SSX7: variants seen among roughly 807,000 people sequenced by gnomAD.
The protein encoded by SSX7 is SSX family member 7.
In SSX7, 15 loss-of-function variants were observed where a neutral mutation model predicts 14.7. That is an observed-to-expected ratio of 1.02 (90% CI 0.68 to 1.58). SSX7 has a LOEUF of 1.58. SSX7 is among the 40% of genes most tolerant of loss of function. SSX7 has a pLI of 0.00. For missense variants in SSX7, 178 were observed against 146.8 expected (o/e 1.21, Z -1.10); for synonymous variants, 46 against 50.6 (o/e 0.91, Z 0.38).
intron 6 of SSX7, among the ~76,000 whole-genome samples, chrX:52,647,837 C>T (rs1556766512): frequency 1.8e-5 from 2 of 111,692 alleles, no homozygotes; most frequent in African/African-American, 6.5e-5. Context: ...GGTCTGGAAC[C>T]GAATCTGCAA....
intron 6 of SSX7, among the ~76,000 whole-genome samples, chrX:52,646,212 T>C (rs1271717674): frequency 1.8e-5 from 2 of 111,366 alleles, no homozygotes; most frequent in Non-Finnish European, 3.8e-5. Context: ...TACAGGAGCA[T>C]GTCACCACGC....
At chrX:52,644,697 A>G in intron 7 of SSX7, 27 bp from the exon 8 acceptor site, 2 of 1,193,378 alleles carry the variant, frequency 1.7e-6, no homozygotes, top group South Asian at 3.5e-5. Context: ...GAAGGAAAGT[A>G]AGTGGCAGTG....
intron 6 of SSX7, among the ~76,000 whole-genome samples, chrX:52,646,984 T>C (rs1925271308): frequency 8.9e-6 from 1 of 112,019 alleles, no homozygotes; most frequent in African/African-American, 3.2e-5. Context: ...TTGAAGGAAA[T>C]AATAATATTA....
chrX:52,646,151 C>T (rs1172895822), intron 6 of SSX7, among the ~76,000 whole-genome samples: 19 of 111,860 alleles, frequency 1.7e-4, no homozygotes, highest in African/African-American at 5.8e-4. Flanking sequence ...GCAACCTCTG[C>T]CTCTCCAGTT....
chrX:52,649,863 T>A (rs1242202992), intron 5 of SSX7, among the ~76,000 whole-genome samples: 6 of 112,386 alleles, frequency 5.3e-5, no homozygotes, highest in Non-Finnish European at 1.1e-4. Flanking sequence ...TGGATTAGAC[T>A]ACCACTGCCA....
chrX:52,652,400 G>T (rs1300499790), intron 3 of SSX7, 53 bp from the exon 4 acceptor site: 2 of 932,764 alleles, frequency 2.1e-6, no homozygotes, highest in South Asian at 2.0e-5. Flanking sequence ...GACCTGTCAC[G>T]GTGGCTCATA....
Position 52,644,758 on chromosome X carries a change from C to T in SSX7, c.*5-88G>A, listed in dbSNP as rs1159361605. On this transcript the variant is annotated intron_variant, in intron 7 of 7. Coordinates refer to ENST00000298181, the MANE Select transcript of SSX7 (RefSeq NM_173358.2). ...CTCAACTCCTCCTGACCTGCAGACCCTGCACACTCTGATTCTGCCCTACCC... is the reference window on the plus strand; with the variant it reads ...CTCAACTCCTCCTGACCTGCAGACCTTGCACACTCTGATTCTGCCCTACCC... 5.1e-5 allele frequency: 50 copies of T among 986,037 alleles called. No homozygotes were observed. The African/African-American group carries it at 6.0e-4, about 12-fold the overall frequency. 81.3% of individuals were successfully genotyped at this position (986,037 alleles called of 1,213,427 possible). A position where few individuals can be genotyped will look rare whatever the true frequency, so the allele number is the denominator to read the frequency against.
chrX:52,646,292 C>T (rs781883122), intron 6 of SSX7, among the ~76,000 whole-genome samples: 16 of 112,121 alleles, frequency 1.4e-4, no homozygotes, highest in African/African-American at 4.2e-4. Context: ...CTCGATCTCC[C>T]GACTTCGTGA....
intron 1 of SSX7, among the ~76,000 whole-genome samples, chrX:52,654,098 G>C (rs1484908562): frequency 1.8e-4 from 20 of 111,138 alleles, no homozygotes; most frequent in Non-Finnish European, 3.6e-4. Context: ...GAGAATGTAG[G>C]GAGTTTCAAG....
At chrX:52,651,749 C>CGTG (rs1556767021) in intron 4 of SSX7, among the ~76,000 whole-genome samples, 3 of 110,850 alleles carry the variant, frequency 2.7e-5, no homozygotes, top group Non-Finnish European at 5.7e-5. Context: ...GGGGCGGGCA[C>CGTG]CCGTAACCCC....
chrX:52,651,688 C>A (rs1925435302), intron 4 of SSX7, among the ~76,000 whole-genome samples: 2 of 110,928 alleles, frequency 1.8e-5, no homozygotes, highest in South Asian at 7.7e-4. Context: ...CCAGCCTGGT[C>A]AACATGGTAA....
chrX:52,649,029 T>G (rs1556766695), intron 5 of SSX7, among the ~76,000 whole-genome samples: 2 of 103,731 alleles, frequency 1.9e-5, no homozygotes, highest in Non-Finnish European at 4.1e-5. Context: ...CTTAAGCTAC[T>G]TTTTTTTTTG....
intron 1 of SSX7, among the ~76,000 whole-genome samples, chrX:52,653,896 G>T (rs1391829255): frequency 9.0e-6 from 1 of 111,400 alleles, no homozygotes; most frequent in Non-Finnish European, 1.9e-5. Flanking sequence ...GAAGGGAAAT[G>T]AGTCCCAGAG....
intron 5 of SSX7, 138 bp downstream of exon 5, chrX:52,650,215 G>A: frequency 3.9e-6 from 3 of 772,678 alleles, no homozygotes; most frequent in Non-Finnish European, 5.8e-6. Context: ...TAAGCTGTTG[G>A]TGCTACATCA....
chrX:52,654,364 G>GTT (rs1352091546), intron 1 of SSX7, among the ~76,000 whole-genome samples: 21,452 of 60,821 alleles, frequency 0.35, 4,107 homozygotes, highest in East Asian at 0.42. Context: ...ATTTGAGTGA[G>GTT]TTTTTTTTTT....
At chrX:52,646,739 T>C (rs1471321789) in intron 6 of SSX7, among the ~76,000 whole-genome samples, 20 of 111,468 alleles carry the variant, frequency 1.8e-4, no homozygotes, top group African/African-American at 6.2e-4. Context: ...CACACCTATA[T>C]TGAAATTAGG....
chrX:52,650,776 G>A (rs1556766928), intron 4 of SSX7, among the ~76,000 whole-genome samples: 2 of 112,418 alleles, frequency 1.8e-5, no homozygotes, highest in African/African-American at 6.5e-5. Flanking sequence ...CTTATGGTAT[G>A]TGAATTAAGC....
chrX:52,647,238 A>G (rs1286553551), intron 6 of SSX7, among the ~76,000 whole-genome samples: 6 of 112,540 alleles, frequency 5.3e-5, no homozygotes, highest in Admixed American at 2.9e-4. Context: ...AGCCATCTCC[A>G]TAACTTAAAA....
At chrX:52,650,443 A>G (rs1556766895) in intron 4 of SSX7, 41 bp from the exon 5 acceptor site, 1 of 1,170,025 alleles carries the variant, frequency 8.5e-7, no homozygotes, top group African/African-American at 1.8e-5. Context: ...GTTGGTAAAG[A>G]TTTCCAAACT....
Sources: allele counts gnomAD v4.1 joint callset (sites outside exome capture counted in the v4.1 genomes callset), GRCh38; gene constraint gnomAD v4.1.1; transcripts MANE v1.5; gene names NCBI Gene and HGNC (gene_info 2026-07-23, HGNC 2026-07-21).